The following PHF24 variants were observed in gnomAD, a reference collection of about 807,000 sequenced individuals.
PHF24 encodes PHD finger protein 24, also known as Galpha inhibitory interacting protein.
In PHF24, 25 loss-of-function variants were observed where a neutral mutation model predicts 42.6. That is an observed-to-expected ratio of 0.59 (90% CI 0.43 to 0.82). The LOEUF is 0.82. PHF24 is among the 40% of genes least tolerant of loss of function. The pLI is 0.00. For synonymous variants in PHF24, 185 were observed against 204.8 expected, an observed-to-expected ratio of 0.90 and a Z score of 0.83; for missense variants, 470 against 538.1, an observed-to-expected ratio of 0.87 and a Z score of 1.25.
the PHF24 span, among the ~76,000 whole-genome samples, chr9:34,828,190 C>T: frequency 1.3e-5 from 2 of 152,068 alleles, no homozygotes; most frequent in Admixed American, 1.3e-4. Flanking sequence ...CCCACACTCT[C>T]TTATATGTAA....
chr9:34,823,190 G>A, the PHF24 span, among the ~76,000 whole-genome samples: 3 of 124,844 alleles, frequency 2.4e-5, no homozygotes, highest in East Asian at 2.5e-4. Flanking sequence ...GCGACATAGC[G>A]AGACTCCGTC....
chr9:34,877,687 T>C, the PHF24 span, among the ~76,000 whole-genome samples: 1 of 152,128 alleles, frequency 6.6e-6, no homozygotes, highest in South Asian at 2.1e-4. Context: ...TACCAGGGAT[T>C]TGGGGGAAGG....
At chr9:34,977,619 C>A (rs1247219439) in exon 7 of PHF24, 4 of 1,603,576 alleles carry the variant, frequency 2.5e-6, no homozygotes, top group African/African-American at 1.3e-5. Context: ...CAAGACCCTG[C>A]TGCCCACAGA....
chr9:34,948,265 TAA>T, the PHF24 span, among the ~76,000 whole-genome samples: 5,274 of 152,282 alleles, frequency 0.035, 139 homozygotes, highest in Admixed American at 0.071. Flanking sequence ...TGTATAAAGT[TAA>T]AAAGTTACAG....
At chr9:34,868,367 A>T in the PHF24 span, among the ~76,000 whole-genome samples, 35,284 of 152,164 alleles carry the variant, frequency 0.23, 4,390 homozygotes, top group East Asian at 0.49. Flanking sequence ...AGGCAGTGAG[A>T]ACTATCTCGA....
At chr9:34,922,314 A>T in the PHF24 span, 75 of 1,590,804 alleles carry the variant, frequency 4.7e-5, no homozygotes, top group African/African-American at 7.4e-4. Context: ...TAATGTATCA[A>T]GTTCAGCAAT....
chr9:34,862,129 C>A, the PHF24 span, among the ~76,000 whole-genome samples: 2 of 152,142 alleles, frequency 1.3e-5, no homozygotes, highest in African/African-American at 4.8e-5. Flanking sequence ...AGGGAAATCA[C>A]CCATCCCAGT....
chr9:34,683,019 G>GTGTC, the PHF24 span, among the ~76,000 whole-genome samples: 1 of 151,934 alleles, frequency 6.6e-6, no homozygotes, highest in African/African-American at 2.4e-5. Flanking sequence ...AATAAAAAAT[G>GTGTC]TGTCTGTCTT....
chr9:34,724,439 T>C, the PHF24 span: 11 of 1,551,124 alleles, frequency 7.1e-6, no homozygotes, highest in Admixed American at 1.4e-4. Flanking sequence ...CCCTTGGTGG[T>C]TTAGACTTTC....
chr9:34,815,646 A>G, the PHF24 span, among the ~76,000 whole-genome samples: 7 of 152,154 alleles, frequency 4.6e-5, no homozygotes, highest in Non-Finnish European at 1.0e-4. Context: ...ATTCTACTCA[A>G]TGGATTTCTG....
chr9:34,757,605 A>G, the PHF24 span, among the ~76,000 whole-genome samples: 1 of 151,856 alleles, frequency 6.6e-6, no homozygotes, highest in African/African-American at 2.4e-5. Context: ...GGAAAGGCTT[A>G]TTCATATGGA....
At chr9:34,696,779 T>C in the PHF24 span, among the ~76,000 whole-genome samples, 1 of 152,200 alleles carries the variant, frequency 6.6e-6, no homozygotes, top group East Asian at 1.9e-4. Flanking sequence ...AGAGGATAAT[T>C]CCCCCTTCCC....
At chr9:34,883,935 A>G in the PHF24 span, among the ~76,000 whole-genome samples, 4 of 152,362 alleles carry the variant, frequency 2.6e-5, no homozygotes, top group Admixed American at 2.6e-4. Context: ...TTGCAGCACT[A>G]TTCACAATAG....
At chr9:34,856,856 A>G in the PHF24 span, among the ~76,000 whole-genome samples, 1 of 152,240 alleles carries the variant, frequency 6.6e-6, no homozygotes, top group African/African-American at 2.4e-5. Context: ...AGCAGGCTGT[A>G]AAGAATAAGT....
At chr9:34,845,456 A>G in the PHF24 span, among the ~76,000 whole-genome samples, 2 of 152,018 alleles carry the variant, frequency 1.3e-5, no homozygotes, top group African/African-American at 4.8e-5. Context: ...CTCTAGTGGT[A>G]TGCTTTAATT....
the PHF24 span, among the ~76,000 whole-genome samples, chr9:34,685,179 G>C: frequency 6.6e-6 from 1 of 152,138 alleles, no homozygotes; most frequent in Non-Finnish European, 1.5e-5. Context: ...CCTGTCACAA[G>C]GTTCCTTGTC....
the PHF24 span, among the ~76,000 whole-genome samples, chr9:34,703,530 C>A: frequency 6.6e-6 from 1 of 151,950 alleles, no homozygotes; most frequent in Non-Finnish European, 1.5e-5. Context: ...TGTTGGTAAT[C>A]ACAGCCCTCT....
the PHF24 span, chr9:34,728,113 A>G: frequency 1.3e-6 from 2 of 1,546,990 alleles, no homozygotes; most frequent in East Asian, 2.4e-5. Flanking sequence ...GTTATATGGC[A>G]TGGGATAATT....
At chr9:34,725,817 A>T in the PHF24 span, 1 of 1,549,944 alleles carries the variant, frequency 6.5e-7, no homozygotes, top group Non-Finnish European at 8.7e-7. Context: ...TGGGGGAAGG[A>T]GAGCTCATTG....
Sources: allele counts gnomAD v4.1 joint callset (sites outside exome capture counted in the v4.1 genomes callset), GRCh38; gene constraint gnomAD v4.1.1; transcripts MANE v1.5; gene names NCBI Gene and HGNC (gene_info 2026-07-23, HGNC 2026-07-21).